MTHFSD: variants seen among roughly 807,000 people sequenced by gnomAD.
MTHFSD encodes the protein methenyltetrahydrofolate synthetase domain containing.
MTHFSD carries 37 observed loss-of-function variants against 31.1 expected under a neutral mutation model. The ratio of observed to expected loss-of-function variants is 1.19; its 90% CI spans 0.91 to 1.56. The LOEUF (loss-of-function observed/expected upper bound fraction) is 1.56. MTHFSD is among the 40% of genes most tolerant of loss of function. The probability of loss-of-function intolerance (pLI) is 0.00; values close to 1 mark genes in which losing one functional copy is unlikely to be tolerated. For missense variants in MTHFSD, 664 were observed against 510.1 expected, an observed-to-expected ratio of 1.30 and a Z score of -2.91; for synonymous variants, 221 against 206.9, an observed-to-expected ratio of 1.07 and a Z score of -0.59.
intron 2 of MTHFSD, among the ~76,000 whole-genome samples, chr16:86,554,398 C>G (rs2143954856): frequency 6.6e-6 from 1 of 152,276 alleles, no homozygotes; most frequent in South Asian, 2.1e-4. Flanking sequence ...CCCACCAATT[C>G]TGGACACAAC....
Position 86,531,973 on chromosome 16 carries a change from T to A in MTHFSD, c.*38A>T, listed in dbSNP as rs370093205. On this transcript the variant is annotated 3_prime_UTR_variant, in exon 8 of 8. Coordinates refer to ENST00000360900, the MANE Select transcript of MTHFSD (RefSeq NM_001159377.2). This position sits in a 1 kb window ranked among gnomAD's most constrained non-coding sequence, Gnocchi z 5.5. The stretch of plus-strand genomic sequence containing the variant: ...GAACCGGAGCGGCAGGGGACGGGGA[T>A]GGCGAGTCTGCAGTGAGCTCCGTGG... 3.7e-6 allele frequency: 5 copies of A among 1,349,380 alleles called. No individual in the cohort carries two copies. In the African/African-American group the frequency reaches 7.5e-5, roughly 20 times the overall value. The allele number at this position is 1,349,380 out of a possible 1,614,324, so 83.6% of individuals were successfully genotyped here.
chr16:86,546,508 C>CGGCT (rs1032289083), intron 5 of MTHFSD, 51 bp downstream of exon 5: 2 of 1,520,956 alleles, frequency 1.3e-6, no homozygotes, highest in Non-Finnish European at 1.8e-6. Flanking sequence ...GGCACGCAGC[C>CGGCT]GCCTTCAGGC....
intron 7 of MTHFSD, among the ~76,000 whole-genome samples, chr16:86,539,139 G>C (rs1164375858): frequency 6.6e-6 from 1 of 152,182 alleles, no homozygotes; most frequent in Admixed American, 6.5e-5. Flanking sequence ...GGAGGAGGAA[G>C]AACAACGGCT....
chr16:86,541,861 T>A, intron 6 of MTHFSD, 39 bp from the exon 7 acceptor site: 1 of 1,611,038 alleles, frequency 6.2e-7, no homozygotes, highest in Non-Finnish European at 8.5e-7. Flanking sequence ...CTGCTGGGAA[T>A]GCCACTGCAG....
At chr16:86,555,035 C>G in intron 1 of MTHFSD, 134 bp downstream of exon 1, 1 of 1,463,130 alleles carries the variant, frequency 6.8e-7, no homozygotes, top group East Asian at 2.5e-5. Flanking sequence ...CACAGACCCC[C>G]TCTGACCTCC....
At chr16:86,533,613 TA>T (rs1476453003) in intron 7 of MTHFSD, 4 of 152,142 alleles carry the variant, frequency 2.6e-5, no homozygotes, top group Admixed American at 2.6e-4. Flanking sequence ...ACATTCAGAA[TA>T]ATATGTAATT....
rs1971642473 is a variant in MTHFSD, at chr16:86,542,313, T to C, written c.443-100A>G. 23 of 956,752 alleles carry C rather than the reference T, an allele frequency of 2.4e-5. No homozygotes were observed. In the South Asian group the frequency reaches 3.7e-4, roughly 16 times the overall value. 59.3% of individuals were successfully genotyped at this position (956,752 alleles called of 1,614,324 possible). A position where few individuals can be genotyped will look rare whatever the true frequency, so the allele number is the denominator to read the frequency against. ...AGTGGAAGAAGAAACTTGAACCCAA[T>C]ATCCCGAGCTAATCTATAGAAATTT... is the stretch of plus-strand genomic sequence containing the variant. On this transcript the variant is annotated intron_variant, in intron 5 of 7. Transcript: ENST00000360900. The surrounding 1 kb of genome is among the most constrained non-coding windows in gnomAD (Gnocchi z 4.6).
At chr16:86,535,025 C>T (rs1012160056) in intron 7 of MTHFSD, among the ~76,000 whole-genome samples, 5 of 152,222 alleles carry the variant, frequency 3.3e-5, no homozygotes, top group South Asian at 2.1e-4. Flanking sequence ...TGGGGTTCTG[C>T]GGCAGAAATC....
chr16:86,543,485 A>C (rs1190828159), intron 5 of MTHFSD, among the ~76,000 whole-genome samples: 1 of 152,226 alleles, frequency 6.6e-6, no homozygotes, highest in Non-Finnish European at 1.5e-5. Flanking sequence ...CCAAATCTGG[A>C]AATAACTCAT....
chr16:86,541,899 A>C, intron 6 of MTHFSD, 77 bp from the exon 7 acceptor site: 1 of 1,581,676 alleles, frequency 6.3e-7, no homozygotes, highest in Non-Finnish European at 8.6e-7. Flanking sequence ...CTCGGTGGGA[A>C]CGTGAGGCTG....
chr16:86,531,945 T>G lies in MTHFSD; in HGVS notation c.*66A>C. On this transcript the variant is annotated 3_prime_UTR_variant, in exon 8 of 8. Transcript: ENST00000360900. This position sits in a 1 kb window ranked among gnomAD's most constrained non-coding sequence, Gnocchi z 5.5. ...TGCCACGCAGGCCTCTCGAGTGCCATCGGAACCGGAGCGGCAGGGGACGGG... is the reference window on the plus strand; with the variant it reads ...TGCCACGCAGGCCTCTCGAGTGCCAGCGGAACCGGAGCGGCAGGGGACGGG... The G allele has an allele frequency of 8.6e-7, 1 of 1,156,700 alleles. No individual in the cohort carries two copies. The highest frequency in any genetic ancestry group is 1.9e-5 in the South Asian group (1 of 52,212). The allele number at this position is 1,156,700 out of a possible 1,614,324, so 71.7% of individuals were successfully genotyped here.
intron 3 of MTHFSD, among the ~76,000 whole-genome samples, chr16:86,549,154 G>T (rs930237356): frequency 1.3e-5 from 2 of 152,196 alleles, no homozygotes; most frequent in African/African-American, 4.8e-5. Context: ...TCTAGAACAG[G>T]GCTTCTCAAA....
At chr16:86,547,405 T>A (rs1283547564) in intron 4 of MTHFSD, 2 of 985,720 alleles carry the variant, frequency 2.0e-6, no homozygotes, top group African/African-American at 3.5e-5. Flanking sequence ...GGCGGTGGGA[T>A]CTGCCTGCAG....
At position 86,552,017 on chromosome 16, in the gene MTHFSD, AG is replaced by A; in HGVS notation, c.237+15del. The A allele has an allele frequency of 1.9e-6, 3 of 1,614,082 alleles. No homozygotes were observed. The highest frequency in any genetic ancestry group is 2.5e-6 in the Non-Finnish European group (3 of 1,179,970). On this transcript the variant is annotated intron_variant, in intron 3 of 7. Coordinates refer to ENST00000360900, the MANE Select transcript of MTHFSD (RefSeq NM_001159377.2). ...TGGCGGCCAGGTCTCGGCTCGGCTC[AG>A]GGAAGTGGAATTACCTGCAGCACCA...
intron 4 of MTHFSD, chr16:86,548,180 G>T: frequency 8.3e-7 from 1 of 1,210,898 alleles, no homozygotes; most frequent in Non-Finnish European, 1.1e-6. Context: ...ACCGGGCAGT[G>T]CCAGAGAACC....
intron 7 of MTHFSD, among the ~76,000 whole-genome samples, chr16:86,537,012 T>C (rs1194839394): frequency 6.6e-6 from 1 of 152,250 alleles, no homozygotes; most frequent in Non-Finnish European, 1.5e-5. Context: ...AATTCTCATT[T>C]CTACTAACTG....
intron 7 of MTHFSD, chr16:86,540,919 G>C: frequency 8.8e-7 from 1 of 1,135,420 alleles, no homozygotes; most frequent in South Asian, 2.0e-5. Context: ...CGGCTGGGCT[G>C]TGGCAAAAGC....
chr16:86,536,931 C>G (rs748828523), intron 7 of MTHFSD, among the ~76,000 whole-genome samples: 1 of 152,174 alleles, frequency 6.6e-6, no homozygotes, highest in Non-Finnish European at 1.5e-5. Flanking sequence ...GTTGGCTGTT[C>G]CGGTGTCACC....
intron 2 of MTHFSD, among the ~76,000 whole-genome samples, chr16:86,554,055 T>C (rs184727648): frequency 4.6e-5 from 7 of 152,282 alleles, no homozygotes; most frequent in Admixed American, 3.9e-4. Context: ...ATCAGCAGGA[T>C]GTGGGTGGGG....
Sources: gnomAD v4.1 joint callset for allele counts (sites outside exome capture counted in the v4.1 genomes callset) on GRCh38, gnomAD v4.1.1 for gene constraint, Gnocchi (gnomAD v3.1) non-coding constraint, MANE v1.5 for transcripts, NCBI Gene and HGNC (gene_info 2026-07-23, HGNC 2026-07-21) for gene names.